HPS1: variants seen among roughly 807,000 people sequenced by gnomAD.
The protein encoded by HPS1 is BLOC-3 complex member HPS1.
HPS1 carries 59 observed loss-of-function variants against 90.6 expected under a neutral mutation model. The ratio of observed to expected loss-of-function variants is 0.65; its 90% CI spans 0.53 to 0.81. The LOEUF (loss-of-function observed/expected upper bound fraction) is 0.81, where lower values mean the gene tolerates loss of function less well. HPS1 is among the 30% of genes least tolerant of loss of function. The probability of loss-of-function intolerance (pLI) is 0.00; values close to 1 mark genes in which losing one functional copy is unlikely to be tolerated. For synonymous variants in HPS1, 388 were observed against 384.4 expected, an observed-to-expected ratio of 1.01 and a Z score of -0.11; for missense variants, 849 against 896.7, an observed-to-expected ratio of 0.95 and a Z score of 0.68.
At chr10:98,421,659 G>A (rs1231690998) in intron 17 of HPS1, among the ~76,000 whole-genome samples, 1 of 152,190 alleles carries the variant, frequency 6.6e-6, no homozygotes, top group Non-Finnish European at 1.5e-5. Context: ...GGATGAAGAT[G>A]GTGATGATGA....
In HPS1 at chr10:98,431,151, C is replaced by A. The variant is rs758477619; in HGVS notation, c.648G>T (p.Lys216Asn). 6.2e-7 allele frequency: 1 copy of A among 1,614,142 alleles called. No homozygotes were observed. The highest frequency in any genetic ancestry group is 8.5e-7 in the Non-Finnish European group (1 of 1,180,012). Residue 216 changes from lysine to asparagine, a missense_variant, in exon 7 of 20, where the codon AAG (lysine) becomes AAT (asparagine). Coordinates refer to ENST00000361490, the MANE Select transcript of HPS1 (RefSeq NM_000195.5). The stretch of plus-strand genomic sequence containing the variant: ...CTCACCTAGAGTAGAATGCCAGCAG[C>A]TTGGAGTGCACGAGCAGGAAGGCAT... ...ALHAFLLVHS[K>N]LLAFYSSHSA...
rs772870611 is a variant in HPS1, at chr10:98,418,289, T to G, written c.1858-32A>C. 31 of 1,361,176 alleles carry G rather than the reference T, an allele frequency of 2.3e-5. No individual in the cohort carries two copies. The African/African-American group carries it at 3.7e-4, about 16-fold the overall frequency. 84.3% of individuals were successfully genotyped at this position (1,361,176 alleles called of 1,614,324 possible). On this transcript the variant is annotated intron_variant, in intron 18 of 19. Coordinates refer to ENST00000361490, the MANE Select transcript of HPS1 (RefSeq NM_000195.5). ...AGGGAGGACAGGGAGGCAGTGGGTGTGGGGGTAGTGCAAGGGCCTGAGTCA... is the reference window on the plus strand; with the variant it reads ...AGGGAGGACAGGGAGGCAGTGGGTGGGGGGGTAGTGCAAGGGCCTGAGTCA...
Position 98,443,161 on chromosome 10 carries a change from C to G in HPS1, c.80G>C (p.Arg27Pro), listed in dbSNP as rs116143727. The G allele has an allele frequency of 6.2e-7, 1 of 1,614,028 alleles. No individual in the cohort carries two copies. Among genetic ancestry groups the G allele is most frequent in the South Asian group, 1.1e-5 (1 of 91,082 alleles). ...ATTCTCTGACTGCCCGAACTTCAGC[C>G]GGAGACTCTCTTCAAACTCCTGATC... The part of the protein sequence containing the change: ...WTDQEFEESL[R>P]LKFGQSENEE... Residue 27 changes from arginine to proline, a missense_variant, in exon 3 of 20, where the codon CGG (arginine) becomes CCG (proline). Arg to Pro is a moderately radical substitution (Grantham distance 103, BLOSUM62 -2). Coordinates refer to ENST00000361490, the MANE Select transcript of HPS1 (RefSeq NM_000195.5).
In HPS1 at chr10:98,446,803, C is replaced by T. The variant is rs1388527437; in HGVS notation, c.-106+4G>A. 6.6e-6 allele frequency: 1 copy of T among 152,216 alleles called. No homozygotes were observed. The highest frequency in any genetic ancestry group is 2.1e-4 in the South Asian group (1 of 4,836). The allele number at this position is 152,216 out of a possible 1,614,324, so 9.4% of individuals were successfully genotyped here. On this transcript the variant is annotated splice_donor_region_variant and intron_variant, in intron 1 of 19. Coordinates refer to ENST00000361490, the MANE Select transcript of HPS1 (RefSeq NM_000195.5). The stretch of plus-strand genomic sequence containing the variant: ...GCCCGCTCCGGGACCCCTAGGGACC[C>T]TACCTCACTTCCGGGAGGGTTGAAG...
chr10:98,421,860 G>A (rs1048381013), intron 17 of HPS1, among the ~76,000 whole-genome samples: 2 of 152,034 alleles, frequency 1.3e-5, no homozygotes, highest in East Asian at 1.9e-4. Flanking sequence ...GGTGGGAGAC[G>A]GGGCTGGGCT....
chr10:98,414,932 TC>T (rs1843947681), downstream of HPS1: 3 of 1,506,616 alleles, frequency 2.0e-6, no homozygotes, highest in African/African-American at 1.4e-5. Context: ...TGGCTCCCCC[TC>T]CCCCTCCCCA....
intron 6 of HPS1, among the ~76,000 whole-genome samples, chr10:98,433,099 G>T (rs1324797322): frequency 6.6e-6 from 1 of 152,088 alleles, no homozygotes; most frequent in Non-Finnish European, 1.5e-5. Flanking sequence ...AGGCGTGGTG[G>T]CACGTGCCTG....
At chr10:98,415,152 G>A, downstream of HPS1, 1 of 1,609,880 alleles carries the variant, frequency 6.2e-7, no homozygotes, top group Non-Finnish European at 8.5e-7. Flanking sequence ...CCCAGGCTGG[G>A]CCTTGCTAGG....
chr10:98,435,822 G>A lies in HPS1; in HGVS notation c.118-50C>T. 6.2e-7 allele frequency: 1 copy of A among 1,612,910 alleles called. No individual in the cohort carries two copies. The highest frequency in any genetic ancestry group is 1.3e-5 in the African/African-American group (1 of 75,018). On this transcript the variant is annotated intron_variant, in intron 3 of 19. Transcript: ENST00000361490. This position sits in a 1 kb window ranked among gnomAD's most constrained non-coding sequence, Gnocchi z 4.3. The stretch of plus-strand genomic sequence containing the variant: ...CAGCTTAGAGTGGGCCAGACACCAA[G>A]AACTAAGGAAGGGACAAGATCAGGC...
intron 11 of HPS1, 27 bp downstream of exon 11, chr10:98,427,188 G>T: frequency 6.5e-7 from 1 of 1,544,830 alleles, no homozygotes; most frequent in Non-Finnish European, 8.8e-7. Context: ...ATCAGCTGGC[G>T]CCCAGGCAGG....
intron 8 of HPS1, 73 bp from the exon 9 acceptor site, chr10:98,429,962 G>A (rs1044083592): frequency 1.9e-5 from 27 of 1,384,658 alleles, no homozygotes; most frequent in Middle Eastern, 1.8e-4. Context: ...GCCTCCCAGC[G>A]CTTCACAGAG....
chr10:98,440,955 C>T (rs1339027158), intron 3 of HPS1, among the ~76,000 whole-genome samples: 4 of 152,108 alleles, frequency 2.6e-5, no homozygotes, highest in Non-Finnish European at 5.9e-5. Context: ...AATAAAAAAG[C>T]CTAACAGTTA....
intron 17 of HPS1, among the ~76,000 whole-genome samples, chr10:98,421,046 C>T (rs1285750472): frequency 2.0e-5 from 3 of 152,176 alleles, no homozygotes; most frequent in Non-Finnish European, 4.4e-5. Flanking sequence ...CCAGTGCTGC[C>T]GGTGAAGTGC....
chr10:98,418,330 C>G, intron 18 of HPS1, 73 bp from the exon 19 acceptor site: 3 of 818,618 alleles, frequency 3.7e-6, no homozygotes, highest in Non-Finnish European at 6.0e-6. Flanking sequence ...ACCGGGCTTG[C>G]GGCCTGGCTT....
rs952124741 is a variant in HPS1 at position 98,445,003 on chromosome 10, A to T, written c.-1+297T>A. 6.6e-6 allele frequency among the ~76,000 whole-genome samples: 1 copy of T among 152,186 alleles called. No individual in the cohort carries two copies. Among genetic ancestry groups the T allele is most frequent in the African/African-American group, 2.4e-5 (1 of 41,454 alleles). On this transcript the variant is annotated intron_variant, in intron 2 of 19. Transcript: ENST00000361490. This position sits in a 1 kb window ranked among gnomAD's most constrained non-coding sequence, Gnocchi z 4.5. The stretch of plus-strand genomic sequence containing the variant: ...TGGAGATGGGCAGGTCAAGGTCATG[A>T]AGGCGGTCATCTAGGTGCGGGTGTC...
At chr10:98,433,090 G>A (rs1041708823) in intron 6 of HPS1, among the ~76,000 whole-genome samples, 1 of 152,094 alleles carries the variant, frequency 6.6e-6, no homozygotes, top group African/African-American at 2.4e-5. Context: ...AAATTAGCCA[G>A]GCGTGGTGGC....
At chr10:98,420,011 G>A (rs763118848) in intron 18 of HPS1, 34 bp downstream of exon 18, 1 of 1,288,144 alleles carries the variant, frequency 7.8e-7, no homozygotes, top group South Asian at 1.2e-5. Flanking sequence ...AGTGTGTGTG[G>A]CCCGTCCTGG....
chr10:98,425,042 C>T (rs980508542), intron 13 of HPS1, among the ~76,000 whole-genome samples: 1 of 152,232 alleles, frequency 6.6e-6, no homozygotes, highest in Non-Finnish European at 1.5e-5. Context: ...GTTTCTACTG[C>T]CTGCACATTC....
At chr10:98,438,456 T>C (rs1937776396) in intron 3 of HPS1, among the ~76,000 whole-genome samples, 1 of 152,350 alleles carries the variant, frequency 6.6e-6, no homozygotes, top group South Asian at 2.1e-4. Context: ...GTGACTCTTG[T>C]TATGCTTTAG....
Sources: gnomAD v4.1 joint callset for allele counts (sites outside exome capture counted in the v4.1 genomes callset) on GRCh38, gnomAD v4.1.1 for gene constraint, Gnocchi (gnomAD v3.1) non-coding constraint, MANE v1.5 for transcripts, NCBI Gene and HGNC (gene_info 2026-07-23, HGNC 2026-07-21) for gene names.